The following NCBP1 variants were observed in gnomAD, a reference collection of about 807,000 sequenced individuals.
NCBP1 encodes the protein nuclear cap binding protein subunit 1, also known as nuclear cap-binding protein subunit 1.
A neutral mutation model predicts 111.7 loss-of-function variants in NCBP1; 16 were observed. The ratio of observed to expected loss-of-function variants is 0.14; its 90% CI spans 0.10 to 0.22. The LOEUF (loss-of-function observed/expected upper bound fraction) is 0.22. Ranked by LOEUF, NCBP1 falls within the 10% of genes least tolerant of loss-of-function variation. The pLI is 1.00. For missense variants in NCBP1, 607 were observed against 957.5 expected, an observed-to-expected ratio of 0.63 and a Z score of 4.83; for synonymous variants, 304 against 314.3, an observed-to-expected ratio of 0.97 and a Z score of 0.35.
intron 3 of NCBP1, 130 bp from the exon 4 acceptor site, chr9:97,643,074 T>C: frequency 4.6e-6 from 4 of 861,424 alleles, no homozygotes; most frequent in Middle Eastern, 4.7e-4. Flanking sequence ...TTTTCTGAAG[T>C]ATTTTTAAAG....
At position 97,671,191 on chromosome 9, in the gene NCBP1, C is replaced by G. The variant is rs764929932; in HGVS notation, c.2365C>G (p.Gln789Glu). Reference sequence around the variant, plus strand: ...CGTGTTCCAGCAGTTCTGTGCCCTGCAGGCCTAAGGGTCATTTTTTCCTCA... The same window carrying G: ...CGTGTTCCAGCAGTTCTGTGCCCTGGAGGCCTAAGGGTCATTTTTTCCTCA... ...LAVFQQFCAL[Q>E]A The change falls in exon 23 of 23, where the codon CAG (glutamine) becomes GAG (glutamate). Residue 789 changes from glutamine to glutamate, a missense_variant. Gln to Glu is a conservative substitution (Grantham distance 29). This residue lies in a region of NCBP1 where 18 missense variants were observed against 18.7 expected (regional missense o/e 0.96). Transcript: ENST00000375147. 6.2e-7 allele frequency: 1 copy of G among 1,604,688 alleles called. No individual in the cohort carries two copies. Among genetic ancestry groups the G allele is most frequent in the Non-Finnish European group, 8.5e-7 (1 of 1,171,782 alleles).
chr9:97,663,353 T>C (rs1202130173), intron 18 of NCBP1, among the ~76,000 whole-genome samples: 3 of 152,206 alleles, frequency 2.0e-5, no homozygotes, highest in Non-Finnish European at 4.4e-5. Context: ...TTGATATATA[T>C]TGTGTATGAC....
At chr9:97,646,536 A>T (rs1827338496) in intron 6 of NCBP1, among the ~76,000 whole-genome samples, 1 of 152,214 alleles carries the variant, frequency 6.6e-6, no homozygotes, top group Admixed American at 6.5e-5. Context: ...AAAGAAGCTT[A>T]AAAAATAAGA....
intron 1 of NCBP1, among the ~76,000 whole-genome samples, chr9:97,637,019 C>G (rs1564016164): frequency 6.6e-6 from 1 of 152,072 alleles, no homozygotes; most frequent in East Asian, 1.9e-4. Context: ...AGCCTGAAGA[C>G]TATAGGGTTC....
chr9:97,651,624 C>T (rs1347126213), intron 10 of NCBP1, among the ~76,000 whole-genome samples: 1 of 152,100 alleles, frequency 6.6e-6, no homozygotes, highest in Non-Finnish European at 1.5e-5. Context: ...TATAGTATGT[C>T]TTCATTCATG....
At chr9:97,670,765 A>C (rs923736310) in intron 22 of NCBP1, among the ~76,000 whole-genome samples, 1 of 152,200 alleles carries the variant, frequency 6.6e-6, no homozygotes, top group African/African-American at 2.4e-5. Flanking sequence ...GACTGGGGAG[A>C]GAGCTAGCTG....
chr9:97,634,003 GCT>G, intron 1 of NCBP1, 88 bp downstream of exon 1: 1 of 1,391,648 alleles, frequency 7.2e-7, no homozygotes, highest in Non-Finnish European at 9.6e-7. Flanking sequence ...GAGACTGGAA[GCT>G]CTTCTCCCCG....
chr9:97,650,696 T>C, intron 9 of NCBP1, 96 bp downstream of exon 9: 1 of 969,890 alleles, frequency 1.0e-6, no homozygotes, highest in Non-Finnish European at 1.6e-6. Context: ...TAAGAAAATT[T>C]TATCCTCCTG....
At chr9:97,665,947 G>C (rs926456170) in intron 19 of NCBP1, among the ~76,000 whole-genome samples, 63 of 152,144 alleles carry the variant, frequency 4.1e-4, no homozygotes, top group African/African-American at 1.4e-3. Context: ...AGTGAGAGTG[G>C]ATCATCATAA....
At chr9:97,640,939 TTTGA>T in intron 2 of NCBP1, 57 bp downstream of exon 2, 11 of 1,295,436 alleles carry the variant, frequency 8.5e-6, no homozygotes, top group Non-Finnish European at 1.2e-5. Context: ...TTAACTGTGC[TTTGA>T]TTAATTTTTG....
chr9:97,639,919 T>G (rs1396664679), intron 1 of NCBP1, among the ~76,000 whole-genome samples: 1 of 150,310 alleles, frequency 6.7e-6, no homozygotes, highest in Non-Finnish European at 1.5e-5. Flanking sequence ...TTGGTAATGA[T>G]TTTAGAATGG....
intron 12 of NCBP1, 64 bp from the exon 13 acceptor site, chr9:97,655,638 G>GT: frequency 7.3e-7 from 1 of 1,368,772 alleles, no homozygotes; most frequent in Non-Finnish European, 1.0e-6. Flanking sequence ...GCTTATATAA[G>GT]TTTCTGTTCT....
intron 1 of NCBP1, among the ~76,000 whole-genome samples, chr9:97,636,637 CATATATATATATATATAT>C (rs377027165): frequency 0.038 from 4,194 of 111,260 alleles, 259 homozygotes; most frequent in African/African-American, 0.12. Flanking sequence ...GAAAGTAATA[CATATATATATATATATAT>C]ATATATATAT....
intron 10 of NCBP1, 68 bp from the exon 11 acceptor site, chr9:97,653,730 T>C (rs1052387343): frequency 1.0e-5 from 12 of 1,168,640 alleles, no homozygotes; most frequent in Non-Finnish European, 1.5e-5. Context: ...TTTAGAATGT[T>C]AAGGTCTTTC....
In NCBP1 at chr9:97,653,801, A is replaced by G; in HGVS notation, c.1063A>G (p.Ile355Val). 1 of 1,612,258 alleles carries G rather than the reference A, an allele frequency of 6.2e-7. No homozygotes were observed. Among genetic ancestry groups the G allele is most frequent in the Non-Finnish European group, 8.5e-7 (1 of 1,178,696 alleles). ...IPLNYHIVEV[I>V]FAELFQLPAP... The stretch of plus-strand genomic sequence containing the variant: ...GTGACTCATGATTCTTTTGTAGGTG[A>G]TCTTTGCAGAGCTGTTTCAACTTCC... Residue 355 changes from isoleucine (I) to valine (V), a missense_variant, in exon 11 of 23, where the codon ATC (isoleucine) becomes GTC (valine). Transcript: ENST00000375147.
chr9:97,635,970 T>A (rs1437808429), intron 1 of NCBP1: 1 of 152,222 alleles, frequency 6.6e-6, no homozygotes, highest in South Asian at 2.1e-4. Flanking sequence ...TACATAACTT[T>A]CTTGGAGTTG....
chr9:97,662,679 CATGTTTG>C (rs1827873849), intron 17 of NCBP1, among the ~76,000 whole-genome samples: 2 of 152,112 alleles, frequency 1.3e-5, no homozygotes, highest in South Asian at 4.1e-4. Flanking sequence ...AATATTTCAC[CATGTTTG>C]AAGACAGTTC....
At chr9:97,646,194 TAAATC>T (rs1394878579) in intron 6 of NCBP1, among the ~76,000 whole-genome samples, 1 of 152,244 alleles carries the variant, frequency 6.6e-6, no homozygotes, top group Non-Finnish European at 1.5e-5. Flanking sequence ...AAATTAATCT[TAAATC>T]AAGCTCTTAA....
At position 97,655,778 on chromosome 9, in the gene NCBP1, T is replaced by G. The variant is rs1031919575; in HGVS notation, c.1298+14T>G. On this transcript the variant is annotated intron_variant, in intron 13 of 22. Transcript: ENST00000375147. ...CTGGGAAGATTGGTAAGTGATGGTT[T>G]GTTTTATCTTTTTCTGTAGTCAAAA... 1 of 1,601,564 alleles carries G rather than the reference T, an allele frequency of 6.2e-7. No homozygotes were observed. Among genetic ancestry groups the G allele is most frequent in the East Asian group, 2.2e-5 (1 of 44,718 alleles).
Sources: allele counts gnomAD v4.1 joint callset (sites outside exome capture counted in the v4.1 genomes callset), GRCh38; gene constraint gnomAD v4.1.1; regional missense constraint gnomAD v4.1.1; transcripts MANE v1.5; gene names NCBI Gene and HGNC (gene_info 2026-07-23, HGNC 2026-07-21).